Variants in SORCS1 observed in about 807,000 individuals in gnomAD.
The protein encoded by SORCS1 is VPS10 domain-containing receptor SorCS1.
A neutral mutation model predicts 146.1 loss-of-function variants in SORCS1; 60 were observed. The observed-to-expected ratio is 0.41, with a 90% CI of 0.33 to 0.51. The LOEUF (loss-of-function observed/expected upper bound fraction) is 0.51, where lower values mean the gene tolerates loss of function less well. Among genes scored for constraint, SORCS1 ranks in the 20% least tolerant of loss-of-function variants. The pLI is 0.21. For missense variants in SORCS1, 1,352 were observed against 1,487.6 expected (o/e 0.91, Z 1.50); for synonymous variants, 637 against 584.0 (o/e 1.09, Z -1.31).
chr10:106,874,005 C>T (rs1950512699), intron 2 of SORCS1, among the ~76,000 whole-genome samples: 1 of 152,180 alleles, frequency 6.6e-6, no homozygotes, highest in Non-Finnish European at 1.5e-5. Context: ...TGATTGACCT[C>T]ACAAGGTTGC....
intron 3 of SORCS1, among the ~76,000 whole-genome samples, chr10:106,796,957 G>T (rs961538860): frequency 2.0e-5 from 3 of 152,020 alleles, no homozygotes; most frequent in Admixed American, 6.6e-5. Flanking sequence ...AAACACAAAA[G>T]TTAGCCGGGC....
chr10:106,714,755 C>T (rs763062870), intron 6 of SORCS1, among the ~76,000 whole-genome samples: 5 of 152,168 alleles, frequency 3.3e-5, no homozygotes, highest in African/African-American at 9.7e-5. Context: ...CCTAGTCCAG[C>T]CCTTCTACAG....
chr10:106,634,034 T>C (rs180765691), intron 18 of SORCS1, among the ~76,000 whole-genome samples: 156 of 152,322 alleles, frequency 1.0e-3, no homozygotes, highest in Admixed American at 2.5e-3. Flanking sequence ...GATTTTAATA[T>C]GATGAAAAAG....
chr10:106,598,102 T>C (rs1166993261), intron 23 of SORCS1, among the ~76,000 whole-genome samples: 2 of 152,006 alleles, frequency 1.3e-5, no homozygotes, highest in Non-Finnish European at 2.9e-5. Flanking sequence ...TGGGTAGAAA[T>C]AGTGTAAGGT....
intron 2 of SORCS1, among the ~76,000 whole-genome samples, chr10:106,901,288 T>A (rs1032288450): frequency 1.3e-5 from 2 of 152,224 alleles, no homozygotes; most frequent in African/African-American, 4.8e-5. Context: ...TTCTATAGTT[T>A]TTTTTATTTT....
intron 9 of SORCS1, among the ~76,000 whole-genome samples, chr10:106,696,157 G>A (rs1853686838): frequency 1.3e-5 from 2 of 148,852 alleles, no homozygotes; most frequent in African/African-American, 4.9e-5. Flanking sequence ...AAAGAACAAA[G>A]GCCATCCTCT....
intron 1 of SORCS1, among the ~76,000 whole-genome samples, chr10:106,974,663 C>T (rs746363190): frequency 6.6e-6 from 1 of 152,188 alleles, no homozygotes; most frequent in Non-Finnish European, 1.5e-5. Context: ...GAAGCTATTA[C>T]TTATCAGCCC....
chr10:106,665,062 A>T (rs1175876191), intron 17 of SORCS1, among the ~76,000 whole-genome samples: 1 of 152,246 alleles, frequency 6.6e-6, no homozygotes, highest in Non-Finnish European at 1.5e-5. Context: ...CATTCAAAAA[A>T]ATCATAGCTT....
the SORCS1 span, among the ~76,000 whole-genome samples, chr10:107,173,068 A>T: frequency 6.6e-6 from 1 of 152,210 alleles, no homozygotes; most frequent in Non-Finnish European, 1.5e-5. Context: ...CTTTCTCAGC[A>T]TCCGAGCAGG....
intron 1 of SORCS1, among the ~76,000 whole-genome samples, chr10:107,057,010 C>T (rs75317441): frequency 0.024 from 3,598 of 152,316 alleles, 43 homozygotes; most frequent in Non-Finnish European, 0.027. Flanking sequence ...GCTTTAACAT[C>T]CAGTTCCCGC....
At chr10:106,811,672 A>G (rs1002555031) in intron 3 of SORCS1, among the ~76,000 whole-genome samples, 2 of 152,232 alleles carry the variant, frequency 1.3e-5, no homozygotes, top group African/African-American at 4.8e-5. Flanking sequence ...TGGGAAAAGC[A>G]AAGATATCAA....
intron 2 of SORCS1, among the ~76,000 whole-genome samples, chr10:106,909,484 C>T (rs899337781): frequency 6.6e-6 from 1 of 152,118 alleles, no homozygotes; most frequent in Admixed American, 6.5e-5. Flanking sequence ...ATTCTTTGCC[C>T]CCAGACCATG....
At chr10:107,107,328 T>G (rs1965376981) in intron 1 of SORCS1, among the ~76,000 whole-genome samples, 1 of 152,222 alleles carries the variant, frequency 6.6e-6, no homozygotes, top group Non-Finnish European at 1.5e-5. Context: ...GTCATTCTGA[T>G]GAGGTCTCAG....
At chr10:106,629,730 G>C (rs1278195413) in intron 18 of SORCS1, among the ~76,000 whole-genome samples, 1 of 152,200 alleles carries the variant, frequency 6.6e-6, no homozygotes, top group Non-Finnish European at 1.5e-5. Flanking sequence ...GATAAAAGGT[G>C]TACACACACA....
At chr10:106,586,250 T>C (rs887266352) in intron 24 of SORCS1, among the ~76,000 whole-genome samples, 4 of 152,126 alleles carry the variant, frequency 2.6e-5, no homozygotes, top group African/African-American at 7.2e-5. Flanking sequence ...ACTTTAAGAA[T>C]GAAAGGGGGC....
chr10:106,665,516 A>G (rs1271877744), intron 17 of SORCS1, among the ~76,000 whole-genome samples: 1 of 151,840 alleles, frequency 6.6e-6, no homozygotes, highest in Non-Finnish European at 1.5e-5. Flanking sequence ...TGCTACCACA[A>G]TAGCTTCTTT....
intron 1 of SORCS1, among the ~76,000 whole-genome samples, chr10:107,056,183 T>C (rs1412852957): frequency 1.3e-5 from 2 of 152,180 alleles, no homozygotes; most frequent in African/African-American, 4.8e-5. Context: ...TGCTCAGGAA[T>C]GAGAAAGGAC....
intron 2 of SORCS1, among the ~76,000 whole-genome samples, chr10:106,913,596 A>C (rs1952269361): frequency 6.6e-6 from 1 of 152,218 alleles, no homozygotes; most frequent in Admixed American, 6.5e-5. Context: ...GTGTATGGTG[A>C]GGAGGTTATT....
chr10:107,116,226 A>G (rs1010407870), intron 1 of SORCS1, among the ~76,000 whole-genome samples: 2 of 152,100 alleles, frequency 1.3e-5, no homozygotes, highest in African/African-American at 4.8e-5. Flanking sequence ...AATTAAAAGT[A>G]GAACAACATT....
Sources: allele counts gnomAD v4.1 joint callset (sites outside exome capture counted in the v4.1 genomes callset), GRCh38; gene constraint gnomAD v4.1.1; transcripts MANE v1.5; gene names NCBI Gene and HGNC (gene_info 2026-07-23, HGNC 2026-07-21).